PADI4: variants seen among roughly 807,000 people sequenced by gnomAD.
PADI4 encodes protein-arginine deiminase type-4.
Under a neutral mutation model 75.0 loss-of-function variants are expected in PADI4, and 62 were observed. That is an observed-to-expected ratio of 0.83 (90% CI 0.67 to 1.02). The LOEUF (loss-of-function observed/expected upper bound fraction) is 1.02, where lower values mean the gene tolerates loss of function less well. Ranked by LOEUF, PADI4 falls within the 50% of genes least tolerant of loss-of-function variation. PADI4 has a pLI of 0.00. For missense variants in PADI4, 845 were observed against 850.5 expected, an observed-to-expected ratio of 0.99 and a Z score of 0.08; for synonymous variants, 361 against 348.1, an observed-to-expected ratio of 1.04 and a Z score of -0.41.
At chr1:17,340,939 T>A (rs2074407485) in intron 6 of PADI4, among the ~76,000 whole-genome samples, 1 of 151,232 alleles carries the variant, frequency 6.6e-6, no homozygotes, top group African/African-American at 2.4e-5. Flanking sequence ...TAGCTGAGGT[T>A]ACAAGCATGT....
chr1:17,310,651 C>A (rs2073806844), intron 1 of PADI4, among the ~76,000 whole-genome samples: 1 of 151,860 alleles, frequency 6.6e-6, no homozygotes, highest in African/African-American at 2.4e-5. Flanking sequence ...AAACACCTAA[C>A]CGAGGGTCAC....
chr1:17,353,360 G>C (rs1635568), intron 10 of PADI4, among the ~76,000 whole-genome samples: 1 of 152,014 alleles, frequency 6.6e-6, no homozygotes, highest in African/African-American at 2.4e-5. Context: ...CCAGCTACTC[G>C]GGCGGCTGAG....
At chr1:17,311,227 C>T (rs1233186012) in intron 1 of PADI4, among the ~76,000 whole-genome samples, 2 of 151,860 alleles carry the variant, frequency 1.3e-5, no homozygotes, top group Non-Finnish European at 1.5e-5. Flanking sequence ...TGCACCACTG[C>T]ACTCCAGCAA....
chr1:17,311,861 G>T (rs142840880), intron 1 of PADI4, among the ~76,000 whole-genome samples: 19 of 152,220 alleles, frequency 1.2e-4, no homozygotes, highest in African/African-American at 4.6e-4. Flanking sequence ...GCATGACAGT[G>T]GGGAGCCTGG....
chr1:17,352,332 C>T (rs1019356070), intron 10 of PADI4, among the ~76,000 whole-genome samples: 1 of 151,750 alleles, frequency 6.6e-6, no homozygotes. Flanking sequence ...ACGGGATGAC[C>T]GGATGGGGTT....
intron 3 of PADI4, 46 bp downstream of exon 3, chr1:17,334,055 A>T: frequency 5.1e-6 from 6 of 1,178,730 alleles, no homozygotes; most frequent in Non-Finnish European, 7.7e-6. Context: ...TCCCCTGCCC[A>T]CCTCCTAATC....
intron 1 of PADI4, among the ~76,000 whole-genome samples, chr1:17,311,140 G>A (rs1419835277): frequency 6.6e-6 from 1 of 151,808 alleles, no homozygotes; most frequent in Non-Finnish European, 1.5e-5. Context: ...GCACATGCCT[G>A]TAATCTCAAC....
intron 1 of PADI4, among the ~76,000 whole-genome samples, chr1:17,317,141 G>A (rs2073954696): frequency 6.6e-6 from 1 of 152,192 alleles, no homozygotes; most frequent in South Asian, 2.1e-4. Context: ...GCCCAGGCTG[G>A]TCTCAAACTT....
intron 2 of PADI4, among the ~76,000 whole-genome samples, chr1:17,333,669 T>A (rs1374412064): frequency 1.3e-5 from 2 of 151,704 alleles, no homozygotes; most frequent in Admixed American, 6.6e-5. Flanking sequence ...CTTTCCCAGA[T>A]CTACCTCAAA....
intron 1 of PADI4, among the ~76,000 whole-genome samples, chr1:17,311,948 G>A (rs188656807): frequency 2.6e-4 from 39 of 152,252 alleles, no homozygotes; most frequent in Non-Finnish European, 4.6e-4. Context: ...CCTGGGTTAC[G>A]GCGAAGATTG....
chr1:17,333,881 G>A, intron 2 of PADI4, 62 bp from the exon 3 acceptor site: 2 of 1,273,380 alleles, frequency 1.6e-6, no homozygotes, highest in Admixed American at 1.7e-5. Context: ...CACATAGGAG[G>A]GGGTCCAGTG....
intron 13 of PADI4, among the ~76,000 whole-genome samples, 198 bp from the exon 14 acceptor site, chr1:17,358,640 T>G (rs2074800569): frequency 6.6e-6 from 1 of 151,938 alleles, no homozygotes; most frequent in African/African-American, 2.4e-5. Flanking sequence ...AACAACATTT[T>G]TAATGAGAAC....
At chr1:17,348,123 C>G (rs1248439985) in intron 10 of PADI4, 75 bp downstream of exon 10, 1 of 928,988 alleles carries the variant, frequency 1.1e-6, no homozygotes, top group Admixed American at 1.9e-5. Flanking sequence ...TTTAGCCTGC[C>G]TTCCCCGCCC....
In PADI4 at chr1:17,359,382, A is replaced by G. The variant is rs2074816794; in HGVS notation, c.1732A>G (p.Lys578Glu). Reference sequence around the variant, plus strand: ...GCTCTTCAAGCTCAAAGAGTTCTCTAAGGCGGAAGCTTTTTTCCCCAACAT... The same window carrying G: ...GCTCTTCAAGCTCAAAGAGTTCTCTGAGGCGGAAGCTTTTTTCCCCAACAT... ...PQLFKLKEFS[K>E]AEAFFPNMVN... Residue 578 changes from lysine (K) to glutamate (E), a missense_variant, in exon 15 of 16, where the codon AAG becomes GAG. Lys to Glu is a moderately conservative substitution (Grantham distance 56). Transcript: ENST00000375448. 5.0e-6 allele frequency: 8 copies of G among 1,614,142 alleles called. No individual in the cohort carries two copies. Among genetic ancestry groups the G allele is most frequent in the South Asian group, 1.1e-5 (1 of 91,072 alleles).
In PADI4 at chr1:17,363,631, T is replaced by C. The variant is rs1303199848; in HGVS notation, c.1868T>C (p.Leu623Pro). The C allele has an allele frequency of 6.2e-7, 1 of 1,613,958 alleles. No individual in the cohort carries two copies. The highest frequency in any genetic ancestry group is 8.5e-7 in the Non-Finnish European group (1 of 1,179,780). ...EEKVCSLLEPLGLQCTFINDF... is the reference protein window; with the variant it reads ...EEKVCSLLEPPGLQCTFINDF... Reference sequence around the variant, plus strand: ...AAGGTGTGTTCCCTGCTGGAGCCACTGGGCCTCCAGTGCACCTTCATCAAC... The same window carrying C: ...AAGGTGTGTTCCCTGCTGGAGCCACCGGGCCTCCAGTGCACCTTCATCAAC... Residue 623 changes from leucine to proline, a missense_variant, in exon 16 of 16, where the codon CTG becomes CCG. Coordinates refer to ENST00000375448, the MANE Select transcript of PADI4 (RefSeq NM_012387.3).
intron 11 of PADI4, among the ~76,000 whole-genome samples, chr1:17,355,567 A>G (rs536786174): frequency 4.6e-5 from 7 of 152,046 alleles, no homozygotes; most frequent in Non-Finnish European, 7.4e-5. Context: ...GAGGAAGAAC[A>G]AGGCACTGCA....
In PADI4 at chr1:17,349,742, A is replaced by AAC. The variant is rs1345240128; in HGVS notation, c.1155+1695_1155+1696insCA. 1.7e-5 allele frequency among the ~76,000 whole-genome samples: 2 copies of AAC among 115,722 alleles called. 1 individual carries two copies. The highest frequency in any genetic ancestry group is 3.9e-5 in the Non-Finnish European group (2 of 51,522). The allele number at this position is 115,722 out of a possible 152,430, so 75.9% of individuals were successfully genotyped here. On this transcript the variant is annotated intron_variant, in intron 10 of 15. Transcript: ENST00000375448. Reference sequence around the variant, plus strand: ...AGAAAGAAAAAGAAAAAACAACAACAAAAAACACCCAAATCACTCAGAATG... The same window carrying AAC: ...AGAAAGAAAAAGAAAAAACAACAACAACAAAAACACCCAAATCACTCAGAATG...
At chr1:17,333,887 C>A in intron 2 of PADI4, 56 bp from the exon 3 acceptor site, 1 of 1,323,158 alleles carries the variant, frequency 7.6e-7, no homozygotes, top group Non-Finnish European at 1.1e-6. Context: ...GGAGGGGGTC[C>A]AGTGGGTGTT....
chr1:17,321,414 T>A (rs2074030723), intron 1 of PADI4, among the ~76,000 whole-genome samples: 1 of 152,366 alleles, frequency 6.6e-6, no homozygotes, highest in Non-Finnish European at 1.5e-5. Flanking sequence ...TTTGGGAAAG[T>A]GACTTCACCT....
Sources: gnomAD v4.1 joint callset for allele counts (sites outside exome capture counted in the v4.1 genomes callset) on GRCh38, gnomAD v4.1.1 for gene constraint, MANE v1.5 for transcripts, NCBI Gene and HGNC (gene_info 2026-07-23, HGNC 2026-07-21) for gene names.